HERC2: variants seen among roughly 807,000 people sequenced by gnomAD.
HERC2 encodes the protein E3 ubiquitin-protein ligase HERC2.
Under a neutral mutation model 537.7 loss-of-function variants are expected in HERC2, and 102 were observed. The ratio of observed to expected loss-of-function variants is 0.19; its 90% CI spans 0.16 to 0.22. The LOEUF is 0.22. Among genes scored for constraint, HERC2 ranks in the 10% least tolerant of loss-of-function variants. The pLI is 1.00. For missense variants in HERC2, 4,236 were observed against 6,198.2 expected (o/e 0.68, Z 10.63); for synonymous variants, 2,224 against 2,466.2 (o/e 0.90, Z 2.91).
Position 28,274,904 on chromosome 15 carries a change from C to A in HERC2, c.643+1G>T. Reference sequence around the variant, plus strand: ...ACAACGCGCCACACCAGGGACCGTACCTGATCGCCAGGCCCTGCGCAGGAA... The same window carrying A: ...ACAACGCGCCACACCAGGGACCGTAACTGATCGCCAGGCCCTGCGCAGGAA... On this transcript the variant is annotated splice_donor_variant, in intron 6 of 92. Transcript: ENST00000261609. LOFTEE classifies it high-confidence loss of function. The A allele has an allele frequency of 1.9e-6, 3 of 1,609,806 alleles. No individual in the cohort carries two copies. Among genetic ancestry groups the A allele is most frequent in the South Asian group, 1.1e-5 (1 of 91,036 alleles).
Position 28,176,645 on chromosome 15 carries a change from T to C in HERC2, c.9514+42A>G. ...TACTTCAGGCCAGCGTTTCATATCA[T>C]TCCTACCCACCCAGAAGCACAGAAT... On this transcript the variant is annotated intron_variant, in intron 62 of 92. Transcript: ENST00000261609. The surrounding 1 kb of genome is among the most constrained non-coding windows in gnomAD (Gnocchi z 5.0). 1 of 1,613,772 alleles carries C rather than the reference T, an allele frequency of 6.2e-7. No homozygotes were observed. Among genetic ancestry groups the C allele is most frequent in the East Asian group, 2.2e-5 (1 of 44,868 alleles).
At chr15:28,256,960 A>C in intron 17 of HERC2, 101 bp downstream of exon 17, 1 of 974,976 alleles carries the variant, frequency 1.0e-6, no homozygotes. Flanking sequence ...AAAATATTTC[A>C]CCGAACAGGC....
At chr15:28,280,469 T>C (rs1356411612) in intron 4 of HERC2, among the ~76,000 whole-genome samples, 182 bp from the exon 5 acceptor site, 1 of 152,118 alleles carries the variant, frequency 6.6e-6, no homozygotes, top group East Asian at 1.9e-4. Flanking sequence ...TGTCAAGCAG[T>C]GCTGTCCATC....
chr15:28,157,742 T>C (rs1296374478), intron 69 of HERC2, among the ~76,000 whole-genome samples: 3 of 152,172 alleles, frequency 2.0e-5, no homozygotes, highest in African/African-American at 7.2e-5. Context: ...CTATCTCCTT[T>C]AGTTCTGCTC....
At chr15:28,153,081 C>T (rs1243230869) in intron 69 of HERC2, among the ~76,000 whole-genome samples, 1 of 152,216 alleles carries the variant, frequency 6.6e-6, no homozygotes, top group Non-Finnish European at 1.5e-5. Flanking sequence ...GGGCCAGGCA[C>T]GGTGGCTCAC....
At chr15:28,249,046 T>C (rs1303408853) in intron 20 of HERC2, among the ~76,000 whole-genome samples, 2 of 152,228 alleles carry the variant, frequency 1.3e-5, no homozygotes, top group African/African-American at 2.4e-5. Flanking sequence ...TACTTCCACA[T>C]TCCCAATGTT....
At chr15:28,144,833 A>G (rs1891576809) in intron 71 of HERC2, 29 bp from the exon 72 acceptor site, 1 of 1,613,712 alleles carries the variant, frequency 6.2e-7, no homozygotes, top group Non-Finnish European at 8.5e-7. Flanking sequence ...CCCCGGGGTT[A>G]GCTTCACTCC....
At chr15:28,163,372 C>T in intron 68 of HERC2, 87 bp from the exon 69 acceptor site, 1 of 1,184,982 alleles carries the variant, frequency 8.4e-7, no homozygotes, top group Non-Finnish European at 1.2e-6. Context: ...ACTCAGAGAA[C>T]ACATGAATAC....
At chr15:28,236,350 G>A (rs1475414136) in intron 26 of HERC2, among the ~76,000 whole-genome samples, 4 of 152,086 alleles carry the variant, frequency 2.6e-5, no homozygotes, top group Non-Finnish European at 5.9e-5. Flanking sequence ...GAGTGCAGTG[G>A]CGCGATCTCG....
At chr15:28,305,360 C>T (rs893754833) in intron 2 of HERC2, among the ~76,000 whole-genome samples, 5 of 151,744 alleles carry the variant, frequency 3.3e-5, no homozygotes, top group Admixed American at 1.3e-4. Flanking sequence ...ACAGAGCCCT[C>T]AGAAATAACG....
rs772674735 is a variant in HERC2 at position 28,274,374 on chromosome 15, C to T, written c.717G>A (p.Ser239=). Residue 239 remains serine, a synonymous_variant, in exon 7 of 93, where the codon TCG becomes TCA. Transcript: ENST00000261609. ...AGGACACGGTGCTCTCGTCAAAGAGCGAGGCCTCGGGAAGTGCTCGCAGGG... is the reference window on the plus strand; with the variant it reads ...AGGACACGGTGCTCTCGTCAAAGAGTGAGGCCTCGGGAAGTGCTCGCAGGG... ...LDALRALPEA[S]LFDESTVSSV... 5.6e-6 allele frequency: 9 copies of T among 1,614,146 alleles called. No individual in the cohort carries two copies. Among genetic ancestry groups the T allele is most frequent in the East Asian group, 2.2e-5 (1 of 44,876 alleles).
At chr15:28,308,210 T>G (rs2076845373) in intron 2 of HERC2, among the ~76,000 whole-genome samples, 1 of 152,224 alleles carries the variant, frequency 6.6e-6, no homozygotes, top group African/African-American at 2.4e-5. Context: ...CCATCTTTTG[T>G]GTCTTCTTTA....
chr15:28,289,682 GTT>G (rs2076258524), intron 4 of HERC2, among the ~76,000 whole-genome samples: 1 of 152,236 alleles, frequency 6.6e-6, no homozygotes, highest in African/African-American at 2.4e-5. Flanking sequence ...GATGTGGTTA[GTT>G]TAGGATTGTG....
intron 79 of HERC2, among the ~76,000 whole-genome samples, chr15:28,134,525 C>T (rs1890420653): frequency 6.6e-6 from 1 of 152,148 alleles, no homozygotes; most frequent in African/African-American, 2.4e-5. Context: ...TAGCAGACAT[C>T]CTTGCCTTGA....
chr15:28,276,990 G>T (rs1386754060), intron 5 of HERC2, among the ~76,000 whole-genome samples: 2 of 152,112 alleles, frequency 1.3e-5, no homozygotes, highest in African/African-American at 4.8e-5. Context: ...TGAGGTGACT[G>T]CTTGAGTCCA....
intron 3 of HERC2, chr15:28,298,471 T>G (rs1353653458): frequency 6.6e-6 from 1 of 151,526 alleles, no homozygotes; most frequent in Non-Finnish European, 1.5e-5. Context: ...TACTTTCAAG[T>G]GGACACCATC....
rs12903263 is a variant in HERC2, at chr15:28,257,130, G to A, written c.2448C>T (p.Ser816=). ...LRQVSEGMDG[S]ADWPPPQEKE... is the part of the protein sequence containing the mutation. ...TCTCCTGGGGCGGGGGCCAGTCCGC[G>A]GAACCATCCATCCCCTCACTCACCT... Residue 816 remains serine (S), a synonymous_variant, in exon 17 of 93, where the codon TCC becomes TCT. Transcript: ENST00000261609. 3,330 of 1,613,746 alleles carry A rather than the reference G, an allele frequency of 2.1e-3. 20 individuals are homozygous for A. Among genetic ancestry groups the A allele is most frequent in the African/African-American group, 0.02 (1,516 of 75,008 alleles).
At chr15:28,259,688 C>G (rs141395778) in intron 16 of HERC2, among the ~76,000 whole-genome samples, 1 of 152,006 alleles carries the variant, frequency 6.6e-6, no homozygotes, top group Non-Finnish European at 1.5e-5. Context: ...GGCACAGTGG[C>G]TCACACCTGT....
chr15:28,123,987 T>G (rs1230962920), intron 85 of HERC2, 50 bp downstream of exon 85: 2 of 1,416,638 alleles, frequency 1.4e-6, no homozygotes, highest in Admixed American at 2.3e-5. Context: ...TTGGGTTACA[T>G]GTACTGAAGA....
Sources: allele counts gnomAD v4.1 joint callset (sites outside exome capture counted in the v4.1 genomes callset), GRCh38; gene constraint gnomAD v4.1.1; non-coding constraint Gnocchi (gnomAD v3.1); transcripts MANE v1.5; gene names NCBI Gene and HGNC (gene_info 2026-07-23, HGNC 2026-07-21).